Variants in KIAA0930 observed in about 807,000 individuals in gnomAD.
KIAA0930 encodes the protein KIAA0930, also known as uncharacterized protein KIAA0930.
KIAA0930 carries 24 observed loss-of-function variants against 43.9 expected under a neutral mutation model. The observed-to-expected ratio is 0.55, with a 90% confidence interval of 0.40 to 0.77. The LOEUF (loss-of-function observed/expected upper bound fraction) is 0.77. KIAA0930 is among the 30% of genes least tolerant of loss of function. The probability of loss-of-function intolerance (pLI) is 0.00; values close to 1 mark genes in which losing one functional copy is unlikely to be tolerated. For synonymous variants in KIAA0930, 259 were observed against 216.4 expected (o/e 1.20, Z -1.73); for missense variants, 461 against 574.2 (o/e 0.80, Z 2.02).
At chr22:45,209,814 C>A (rs1202363495) in intron 2 of KIAA0930, among the ~76,000 whole-genome samples, 2 of 152,188 alleles carry the variant, frequency 1.3e-5, no homozygotes, top group African/African-American at 4.8e-5. Flanking sequence ...AGCTGGACTG[C>A]CACCTGCTCC....
intron 1 of KIAA0930, chr22:45,236,068 T>G (rs554700014): frequency 6.6e-6 from 1 of 152,440 alleles, no homozygotes; most frequent in African/African-American, 2.4e-5. Flanking sequence ...CCGGGTTGGC[T>G]ATTTGCACAT....
chr22:45,200,816 G>C, intron 7 of KIAA0930: 3 of 457,820 alleles, frequency 6.6e-6, no homozygotes, highest in Non-Finnish European at 1.3e-5. Context: ...CAGCATGCTG[G>C]CTGTGGAGAC....
chr22:45,212,408 G>C, intron 1 of KIAA0930: 1 of 1,556,680 alleles, frequency 6.4e-7, no homozygotes. Flanking sequence ...CGGAGGAAAA[G>C]GAAAATCCCG....
intron 9 of KIAA0930, 80 bp downstream of exon 9, chr22:45,197,710 T>C: frequency 6.7e-7 from 1 of 1,482,530 alleles, no homozygotes; most frequent in Non-Finnish European, 9.3e-7. Context: ...TGACTCCGGG[T>C]GGCTCACAAG....
Position 45,197,903 on chromosome 22 carries a change from C to G in KIAA0930, c.1061G>C (p.Gly354Ala). Residue 354 changes from glycine (G) to alanine (A), a missense_variant, in exon 9 of 10, where the codon GGC becomes GCC. By Grantham distance (60) the Gly-to-Ala change is moderately conservative (BLOSUM62 0). Transcript: ENST00000336156. ...ATNLRSRSLS[G>A]TGRSLVGSWL... ...GGACCCGACCAGGGACCGTCCTGTG[C>G]CCGACAGGGACCGAGACCGCAGGTT... 1 of 1,614,198 alleles carries G rather than the reference C, an allele frequency of 6.2e-7. No individual in the cohort carries two copies. The highest frequency in any genetic ancestry group is 8.5e-7 in the Non-Finnish European group (1 of 1,180,016).
chr22:45,240,646 C>A lies in KIAA0930; in HGVS notation c.58G>T (p.Gly20Cys). 6.5e-7 allele frequency: 1 copy of A among 1,528,156 alleles called. No individual in the cohort carries two copies. The highest frequency in any genetic ancestry group is 8.7e-7 in the Non-Finnish European group (1 of 1,143,724). The allele number at this position is 1,528,156 out of a possible 1,614,324, so 94.7% of individuals were successfully genotyped here. A position where few individuals can be genotyped will look rare whatever the true frequency, so the allele number is the denominator to read the frequency against. Residue 20 changes from glycine to cysteine, a missense_variant, in exon 1 of 10, where the codon GGC becomes TGC. By Grantham distance (159) the Gly-to-Cys change is radical. Transcript: ENST00000336156. ...GRLSLRREVCGLGCFKDDRIV... is the reference protein window; with the variant it reads ...GRLSLRREVCCLGCFKDDRIV... Reference sequence around the variant, plus strand: ...GCCCCCGGGTCCCACTCACCGAGGCCGCAGACCTCGCGGCGCAGGCTAAGA... The same window carrying A: ...GCCCCCGGGTCCCACTCACCGAGGCAGCAGACCTCGCGGCGCAGGCTAAGA...
In KIAA0930 at chr22:45,203,878, G is replaced by C; in HGVS notation, c.624C>G (p.Arg208=). 6.2e-7 allele frequency: 1 copy of C among 1,614,128 alleles called. No homozygotes were observed. The highest frequency in any genetic ancestry group is 8.5e-7 in the Non-Finnish European group (1 of 1,179,996). Residue 208 remains arginine (R), a synonymous_variant, in exon 6 of 10, where the codon CGC becomes CGG. Transcript: ENST00000336156. ...FQGVIFQGSI[R]YEALKKVYDN... is the part of the protein sequence containing the mutation. The stretch of plus-strand genomic sequence containing the variant: ...CATACACCTTCTTGAGCGCCTCGTA[G>C]CGGATGGAGCCCTGAAAGATGACCC...
intron 1 of KIAA0930, among the ~76,000 whole-genome samples, chr22:45,240,114 A>G (rs1282173796): frequency 1.3e-5 from 2 of 151,996 alleles, no homozygotes; most frequent in Non-Finnish European, 2.9e-5. Context: ...GTCCCTGGAT[A>G]CAGCTAAGGG....
At chr22:45,204,950 G>A (rs925378702) in intron 5 of KIAA0930, among the ~76,000 whole-genome samples, 1 of 152,178 alleles carries the variant, frequency 6.6e-6, no homozygotes, top group Non-Finnish European at 1.5e-5. Flanking sequence ...CCACTCAGGA[G>A]CCTTTTAGTC....
chr22:45,238,366 C>T (rs902933196), intron 1 of KIAA0930, among the ~76,000 whole-genome samples: 23 of 152,230 alleles, frequency 1.5e-4, no homozygotes, highest in African/African-American at 4.8e-4. Context: ...CCATGCTGGG[C>T]ACCAAGATGA....
chr22:45,240,095 GC>G (rs1386279358), intron 1 of KIAA0930, among the ~76,000 whole-genome samples: 1 of 152,068 alleles, frequency 6.6e-6, no homozygotes, highest in Non-Finnish European at 1.5e-5. Flanking sequence ...GGGGGCCATT[GC>G]CCAACAGGTC....
intron 8 of KIAA0930, among the ~76,000 whole-genome samples, chr22:45,199,086 G>C (rs1222095687): frequency 6.6e-6 from 1 of 152,198 alleles, no homozygotes; most frequent in East Asian, 1.9e-4. Flanking sequence ...ACCTGTCTGT[G>C]ACGGCCACGC....
intron 1 of KIAA0930, among the ~76,000 whole-genome samples, chr22:45,222,758 G>A (rs1002575773): frequency 1.3e-5 from 2 of 148,672 alleles, no homozygotes; most frequent in East Asian, 4.0e-4. Context: ...CAAATACTAA[G>A]TTGTACACAA....
Position 45,194,549 on chromosome 22 carries a change from G to A in KIAA0930, c.*2627C>T, listed in dbSNP as rs2083519224. The A allele has an allele frequency of 6.6e-6, 1 of 152,168 alleles. No individual in the cohort carries two copies. The highest frequency in any genetic ancestry group is 2.4e-5 in the African/African-American group (1 of 41,430). 9.4% of individuals were successfully genotyped at this position (152,168 alleles called of 1,614,324 possible). A position where few individuals can be genotyped will look rare whatever the true frequency, so the allele number is the denominator to read the frequency against. ...GTGTGTTCCCAGAAAAATTAAAGAT[G>A]GTCTTACAAGAAGTACAAATGTGCC... On this transcript the variant is annotated 3_prime_UTR_variant, in exon 10 of 10. Coordinates refer to ENST00000336156, the MANE Select transcript of KIAA0930 (RefSeq NM_001009880.2).
chr22:45,232,146 C>T (rs987567552), intron 1 of KIAA0930, among the ~76,000 whole-genome samples: 2 of 152,178 alleles, frequency 1.3e-5, no homozygotes, highest in Admixed American at 6.5e-5. Flanking sequence ...GAGGCCTGGT[C>T]CCCCTCTGTA....
intron 1 of KIAA0930, chr22:45,235,300 G>A (rs891770413): frequency 2.6e-5 from 4 of 152,270 alleles, no homozygotes; most frequent in Non-Finnish European, 5.9e-5. Context: ...TGCAGCTGTG[G>A]TCCTCGGCCT....
intron 7 of KIAA0930, among the ~76,000 whole-genome samples, chr22:45,200,575 C>T (rs1025393332): frequency 3.3e-5 from 5 of 152,182 alleles, no homozygotes; most frequent in Admixed American, 3.3e-4. Flanking sequence ...GCTGACGTGG[C>T]CCCATCCCTC....
chr22:45,230,204 G>T (rs35121694), intron 1 of KIAA0930, among the ~76,000 whole-genome samples: 1 of 152,020 alleles, frequency 6.6e-6, no homozygotes, highest in Non-Finnish European at 1.5e-5. Context: ...CTTGGCCTGC[G>T]GCTGAGGAGT....
chr22:45,228,839 G>T (rs1450326550), intron 1 of KIAA0930, among the ~76,000 whole-genome samples: 4 of 89,948 alleles, frequency 4.4e-5, no homozygotes, highest in Non-Finnish European at 6.1e-5. Flanking sequence ...CCACTCACCC[G>T]AAAGATCCCT....
Sources: gnomAD v4.1 joint callset for allele counts (sites outside exome capture counted in the v4.1 genomes callset) on GRCh38, gnomAD v4.1.1 for gene constraint, MANE v1.5 for transcripts, NCBI Gene and HGNC (gene_info 2026-07-23, HGNC 2026-07-21) for gene names.